TERF2: variants seen among roughly 807,000 people sequenced by gnomAD.
TERF2 encodes telomeric repeat-binding factor 2.
Under a neutral mutation model 56.1 loss-of-function variants are expected in TERF2, and 16 were observed. The observed-to-expected ratio is 0.29, with a 90% CI of 0.19 to 0.43. The LOEUF (loss-of-function observed/expected upper bound fraction) is 0.43. Ranked by LOEUF, TERF2 falls within the 20% of genes least tolerant of loss-of-function variation. The pLI, the probability that TERF2 is intolerant of heterozygous loss-of-function variation, is 1.00. For synonymous variants in TERF2, 296 were observed against 282.1 expected (o/e 1.05, Z -0.50); for missense variants, 547 against 712.9 (o/e 0.77, Z 2.65).
At chr16:69,370,956 T>G (rs2013548436) in intron 4 of TERF2, among the ~76,000 whole-genome samples, 1 of 151,510 alleles carries the variant, frequency 6.6e-6, no homozygotes, top group South Asian at 2.1e-4. Context: ...CGTATGTGTA[T>G]GAGAAGAATG....
intron 8 of TERF2, among the ~76,000 whole-genome samples, chr16:69,360,959 A>G (rs1159060190): frequency 2.6e-5 from 4 of 152,112 alleles, no homozygotes; most frequent in Admixed American, 2.6e-4. Flanking sequence ...TGACCAGGGC[A>G]CAGTGACTCA....
chr16:69,371,159 A>G (rs1051155724), intron 4 of TERF2, among the ~76,000 whole-genome samples: 14 of 152,148 alleles, frequency 9.2e-5, no homozygotes, highest in Non-Finnish European at 1.5e-4. Context: ...TACCTTTTGA[A>G]TTCTGTATTA....
In TERF2 at chr16:69,356,563, G is replaced by A. The variant is rs1055248093; in HGVS notation, c.*335C>T. The A allele has an allele frequency of 4.8e-5, 12 of 251,020 alleles. 1 individual carries two copies. The highest frequency in any genetic ancestry group is 1.0e-4 in the Admixed American group (2 of 19,412). The allele number at this position is 251,020 out of a possible 1,614,324, so 15.5% of individuals were successfully genotyped here. A position where few individuals can be genotyped will look rare whatever the true frequency, so the allele number is the denominator to read the frequency against. ...TGCCTGTAATCCCAGCACTTTGGGA[G>A]GCCGAGTTGGGTGGATCACGAGGTC... On this transcript the variant is annotated 3_prime_UTR_variant, in exon 10 of 10. Coordinates refer to ENST00000254942, the MANE Select transcript of TERF2 (RefSeq NM_005652.5).
At position 69,366,814 on chromosome 16, in the gene TERF2, T is replaced by C; in HGVS notation, c.1333A>G (p.Asn445Asp). The change falls in exon 7 of 10, where the codon AAT becomes GAT. Residue 445 changes from asparagine (N) to aspartate (D), a missense_variant. Around this residue, in one of 6 missense-constraint regions of TERF2, gnomAD observed 211 missense variants for 236.8 expected, o/e 0.89. Transcript: ENST00000254942. ...CAAAGAAGGTCTTCATACTTGGGAT[T>C]CTTCTCTCCAGGGAGGGGTTGGTTG... Reference protein sequence around the residue: ...VLNQPLPGEKNPKVPKGKWNS... With the variant: ...VLNQPLPGEKDPKVPKGKWNS... 1 of 1,606,052 alleles carries C rather than the reference T, an allele frequency of 6.2e-7. No homozygotes were observed. The highest frequency in any genetic ancestry group is 8.5e-7 in the Non-Finnish European group (1 of 1,175,690).
chr16:69,363,435 C>A (rs951068237), intron 7 of TERF2, among the ~76,000 whole-genome samples: 4 of 152,210 alleles, frequency 2.6e-5, no homozygotes, highest in Non-Finnish European at 5.9e-5. Context: ...TTCACTGCCT[C>A]TCCTGACTTC....
chr16:69,374,590 T>G, intron 3 of TERF2, among the ~76,000 whole-genome samples: 1 of 127,378 alleles, frequency 7.9e-6, no homozygotes, highest in Non-Finnish European at 1.6e-5. Flanking sequence ...GCCACTGCAC[T>G]CCAGCCTGGG....
chr16:69,379,218 A>C (rs756568369), intron 3 of TERF2, among the ~76,000 whole-genome samples: 5 of 152,240 alleles, frequency 3.3e-5, no homozygotes, highest in Non-Finnish European at 7.3e-5. Flanking sequence ...AAGAATAAAG[A>C]AGCAGATGCA....
At chr16:69,374,897 A>T (rs186173830) in intron 3 of TERF2, among the ~76,000 whole-genome samples, 136 of 149,172 alleles carry the variant, frequency 9.1e-4, no homozygotes, top group Admixed American at 2.8e-3. Flanking sequence ...CCTGACAGGC[A>T]GAGGTTGCAG....
At chr16:69,365,514 GAGA>G (rs1258713760) in intron 7 of TERF2, 2 of 152,658 alleles carry the variant, frequency 1.3e-5, no homozygotes, top group East Asian at 1.9e-4. Flanking sequence ...GTGGAGGAGG[GAGA>G]AGTTGTTTTT....
intron 7 of TERF2, chr16:69,366,106 C>T (rs2013334260): frequency 1.3e-5 from 2 of 152,212 alleles, no homozygotes; most frequent in Admixed American, 1.3e-4. Flanking sequence ...GCTTTTCTTC[C>T]CTTTAAAGGA....
intron 5 of TERF2, 102 bp from the exon 6 acceptor site, chr16:69,368,584 T>C: frequency 6.4e-7 from 1 of 1,558,560 alleles, no homozygotes; most frequent in Non-Finnish European, 8.7e-7. Flanking sequence ...CAAGTTCACT[T>C]ACAAATCCAA....
At chr16:69,379,738 C>G (rs2013925860) in intron 3 of TERF2, among the ~76,000 whole-genome samples, 1 of 152,112 alleles carries the variant, frequency 6.6e-6, no homozygotes. Flanking sequence ...TACAAGGTAA[C>G]ATAAATAACA....
At position 69,384,637 on chromosome 16, in the gene TERF2, C is replaced by T. The variant is rs2014122109; in HGVS notation, c.549G>A (p.Thr183=). The T allele has an allele frequency of 2.5e-6, 4 of 1,614,138 alleles. No individual in the cohort carries two copies. The highest frequency in any genetic ancestry group is 2.2e-5 in the East Asian group (1 of 44,878). ...CCACTGCTTCTGTCAGTGTAAATTC[C>T]GTTTTAATCATCTCCAGCACATTGA... ...SAINVLEMIK[T]EFTLTEAVVE... The change falls in exon 3 of 10, where the codon ACG becomes ACA. Residue 183 remains threonine, a synonymous_variant. Transcript: ENST00000254942.
intron 3 of TERF2, among the ~76,000 whole-genome samples, chr16:69,376,268 A>T (rs1444382483): frequency 6.6e-6 from 1 of 152,176 alleles, no homozygotes; most frequent in Non-Finnish European, 1.5e-5. Context: ...CTGCATATGG[A>T]CATTCAATTG....
At chr16:69,380,997 G>A (rs1016973673) in intron 3 of TERF2, among the ~76,000 whole-genome samples, 2 of 151,912 alleles carry the variant, frequency 1.3e-5, no homozygotes, top group African/African-American at 4.8e-5. Flanking sequence ...TAGAGACGAG[G>A]TTTCACTATG....
intron 7 of TERF2, 42 bp downstream of exon 7, chr16:69,366,765 C>G: frequency 6.4e-7 from 1 of 1,565,144 alleles, no homozygotes; most frequent in Non-Finnish European, 8.6e-7. Flanking sequence ...CAACCAGGAC[C>G]ACCAACCAGC....
At chr16:69,365,459 G>A (rs2013307518) in intron 7 of TERF2, 1 of 152,410 alleles carries the variant, frequency 6.6e-6, no homozygotes, top group Non-Finnish European at 1.5e-5. Context: ...GGTGGCCTTG[G>A]GAGATCCATA....
chr16:69,363,650 G>C (rs544048737), intron 7 of TERF2, among the ~76,000 whole-genome samples: 1 of 152,074 alleles, frequency 6.6e-6, no homozygotes, highest in Non-Finnish European at 1.5e-5. Flanking sequence ...TGGCAAGCCC[G>C]TTTTTTAAGG....
chr16:69,367,020 T>C lies in TERF2; in HGVS notation c.1127A>G (p.Asp376Gly), dbSNP rs201613708. Residue 376 changes from aspartate to glycine, a missense_variant, in exon 7 of 10, where the codon GAT becomes GGT. Around this residue, in one of 6 missense-constraint regions of TERF2, gnomAD observed 211 missense variants for 236.8 expected, o/e 0.89. Transcript: ENST00000254942. ...PALKNKRPRK[D>G]ENESSAPADG... is the part of the protein sequence containing the mutation. ...AGCCGGGGCTGAACTTTCGTTTTCA[T>C]CTTTTCTGGGTCTCTTGTTTTTGAG... 6.5e-5 allele frequency: 105 copies of C among 1,614,214 alleles called. No homozygotes were observed. Among genetic ancestry groups the C allele is most frequent in the Admixed American group, 2.0e-4 (12 of 60,026 alleles).
Sources: gnomAD v4.1 joint callset for allele counts (sites outside exome capture counted in the v4.1 genomes callset) on GRCh38, gnomAD v4.1.1 for gene constraint, gnomAD v4.1.1 regional missense constraint, MANE v1.5 for transcripts, NCBI Gene and HGNC (gene_info 2026-07-23, HGNC 2026-07-21) for gene names.